CACNG7: variants seen among roughly 807,000 people sequenced by gnomAD.
CACNG7 encodes the protein calcium voltage-gated channel auxiliary subunit gamma 7.
In CACNG7, 9 loss-of-function variants were observed where a neutral mutation model predicts 26.3. The ratio of observed to expected loss-of-function variants is 0.34; its 90% CI spans 0.21 to 0.60. The LOEUF (loss-of-function observed/expected upper bound fraction) is 0.60. Among genes scored for constraint, CACNG7 ranks in the 20% least tolerant of loss-of-function variants. The pLI is 0.81. For synonymous variants in CACNG7, 170 were observed against 157.0 expected, an observed-to-expected ratio of 1.08 and a Z score of -0.62; for missense variants, 297 against 380.4, an observed-to-expected ratio of 0.78 and a Z score of 1.82.
chr19:53,920,087 C>T (rs1225759607), intron 4 of CACNG7, among the ~76,000 whole-genome samples: 1 of 127,444 alleles, frequency 7.8e-6, no homozygotes, highest in East Asian at 2.3e-4. Flanking sequence ...GGAGTTGCCC[C>T]AGGCTGGTCA....
At chr19:53,916,073 C>T (rs906405433) in intron 4 of CACNG7, among the ~76,000 whole-genome samples, 1 of 152,196 alleles carries the variant, frequency 6.6e-6, no homozygotes, top group African/African-American at 2.4e-5. Context: ...ACTAGACTTG[C>T]ATGGTCTTGC....
chr19:53,925,376 AG>A (rs1464038694), intron 4 of CACNG7, among the ~76,000 whole-genome samples: 1 of 137,770 alleles, frequency 7.3e-6, no homozygotes, highest in East Asian at 2.3e-4. Flanking sequence ...GAGTTGCCCC[AG>A]GTCTGGTATT....
At position 53,926,163 on chromosome 19, in the gene CACNG7, C is replaced by G. The variant is rs141895421; in HGVS notation, c.424+10658C>G. On this transcript the variant is annotated intron_variant, in intron 4 of 5. Coordinates refer to ENST00000391767, the MANE Select transcript of CACNG7 (RefSeq NM_031896.5). ...TACCTGTCAGTCAAAGCTTTTCACA[C>G]TTTTTCTTAAATCCCTTCAATAGAT... Among the ~76,000 whole-genome samples, 322 of 152,306 alleles carry G rather than the reference C, an allele frequency of 2.1e-3. 2 individuals carry two copies. Among genetic ancestry groups the G allele is most frequent in the African/African-American group, 7.5e-3 (312 of 41,568 alleles).
At position 53,912,823 on chromosome 19, in the gene CACNG7, C is replaced by T; in HGVS notation, c.-9C>T. ...CACAGGCCCCGCAGGGCGCCCCCTG[C>T]CTCTGAGGATGAGTCACTGCAGCAG... On this transcript the variant is annotated 5_prime_UTR_variant, in exon 2 of 6. Coordinates refer to ENST00000391767, the MANE Select transcript of CACNG7 (RefSeq NM_031896.5). This position sits in a 1 kb window ranked among gnomAD's most constrained non-coding sequence, Gnocchi z 4.6. 6.2e-7 allele frequency: 1 copy of T among 1,611,036 alleles called. No individual in the cohort carries two copies. The highest frequency in any genetic ancestry group is 2.2e-5 in the East Asian group (1 of 44,876).
At chr19:53,938,014 C>A (rs1222401475) in intron 4 of CACNG7, among the ~76,000 whole-genome samples, 1 of 152,068 alleles carries the variant, frequency 6.6e-6, no homozygotes, top group East Asian at 1.9e-4. Context: ...GGCCCTGAGG[C>A]AGAAGTGAGC....
chr19:53,918,780 T>A (rs1174435619), intron 4 of CACNG7, among the ~76,000 whole-genome samples: 1 of 152,234 alleles, frequency 6.6e-6, no homozygotes, highest in Non-Finnish European at 1.5e-5. Context: ...TATTTTTTAT[T>A]TTTTTGAGAT....
At chr19:53,927,464 CAG>C (rs1460605815) in intron 4 of CACNG7, among the ~76,000 whole-genome samples, 1 of 151,916 alleles carries the variant, frequency 6.6e-6, no homozygotes, top group African/African-American at 2.4e-5. Flanking sequence ...CCGAAAGGGT[CAG>C]GGGGAAATTT....
intron 4 of CACNG7, among the ~76,000 whole-genome samples, chr19:53,931,954 A>G (rs1307538075): frequency 6.6e-6 from 1 of 150,992 alleles, no homozygotes; most frequent in Admixed American, 6.6e-5. Context: ...GTAGAGATGG[A>G]GTTTCACCAT....
At chr19:53,934,346 CAT>C (rs1484794306) in intron 4 of CACNG7, among the ~76,000 whole-genome samples, 1 of 152,232 alleles carries the variant, frequency 6.6e-6, no homozygotes, top group Non-Finnish European at 1.5e-5. Flanking sequence ...GGTGCCGCTG[CAT>C]ACTTTGTATC....
intron 4 of CACNG7, among the ~76,000 whole-genome samples, chr19:53,931,685 TA>T (rs747430354): frequency 2.5e-3 from 112 of 45,002 alleles, no homozygotes; most frequent in East Asian, 4.5e-3. Flanking sequence ...AGACTCTGTC[TA>T]AAAAAAAAAA....
rs35265284 is a variant in CACNG7 at position 53,916,488 on chromosome 19, T to TTTC, written c.424+985_424+986insCTT. ...CAGCAATGCCTTTTTTCTTTCTTTC[T>TTTC]TTTTTTTTTTTTTTTTTTTGACTGA... On this transcript the variant is annotated intron_variant, in intron 4 of 5. Coordinates refer to ENST00000391767, the MANE Select transcript of CACNG7 (RefSeq NM_031896.5). Among the ~76,000 whole-genome samples the TTTC allele has an allele frequency of 6.9e-3, 223 of 32,458 alleles. 8 individuals carry two copies. The highest frequency in any genetic ancestry group is 0.026 in the African/African-American group (58 of 2,190). 21.3% of individuals were successfully genotyped at this position (32,458 alleles called of 152,430 possible).
At chr19:53,938,343 G>A (rs936922302) in intron 4 of CACNG7, among the ~76,000 whole-genome samples, 4 of 152,008 alleles carry the variant, frequency 2.6e-5, no homozygotes, top group Admixed American at 6.6e-5. Context: ...GCAAGACCCT[G>A]TCCCAAAAAG....
At chr19:53,913,135 T>C in intron 2 of CACNG7, 108 bp downstream of exon 2, 1 of 1,004,430 alleles carries the variant, frequency 1.0e-6, no homozygotes. Context: ...AAACGGATCC[T>C]GATTCTCTCC....
chr19:53,910,229 C>T (rs2068853862), intron 1 of CACNG7, among the ~76,000 whole-genome samples: 1 of 151,982 alleles, frequency 6.6e-6, no homozygotes. Flanking sequence ...TGATGGTGCC[C>T]GTTTCCGAGC....
At chr19:53,931,241 TACA>T (rs763212148) in intron 4 of CACNG7, among the ~76,000 whole-genome samples, 2 of 152,208 alleles carry the variant, frequency 1.3e-5, no homozygotes, top group Non-Finnish European at 2.9e-5. Context: ...TCTACGTAAC[TACA>T]ACAACATTAT....
At position 53,921,696 on chromosome 19, in the gene CACNG7, T is replaced by TCTGGTCATTGGTGGAGCTGTCCCAGGC. The variant is rs2068955556; in HGVS notation, c.424+6192_424+6218dup. Among the ~76,000 whole-genome samples, 2 of 95,660 alleles carry TCTGGTCATTGGTGGAGCTGTCCCAGGC rather than the reference T, an allele frequency of 2.1e-5. 1 individual carries two copies. Among genetic ancestry groups the TCTGGTCATTGGTGGAGCTGTCCCAGGC allele is most frequent in the Non-Finnish European group, 3.9e-5 (2 of 51,076 alleles). The allele number at this position is 95,660 out of a possible 152,430, so 62.8% of individuals were successfully genotyped here. ...TGGTCATTGGTGGACTTGCCCCAGG[T>TCTGGTCATTGGTGGAGCTGTCCCAGGC]CTGGTCATTGGTGGAGCTGTCCCAG... On this transcript the variant is annotated intron_variant, in intron 4 of 5. Coordinates refer to ENST00000391767, the MANE Select transcript of CACNG7 (RefSeq NM_031896.5).
intron 2 of CACNG7, 131 bp downstream of exon 2, chr19:53,913,158 TTTC>T: frequency 1.2e-6 from 1 of 809,514 alleles, no homozygotes; most frequent in Middle Eastern, 3.6e-4. Flanking sequence ...GAAGTTCAAA[TTTC>T]TACGTGGAGC....
At chr19:53,941,979 G>A in intron 5 of CACNG7, 57 bp from the exon 6 acceptor site, 2 of 1,506,440 alleles carry the variant, frequency 1.3e-6, no homozygotes, top group South Asian at 2.6e-5. Context: ...GAGATGAGTC[G>A]GGGTCCGGGG....
chr19:53,914,635 G>A (rs756498242), intron 3 of CACNG7, 49 bp downstream of exon 3: 17 of 1,516,568 alleles, frequency 1.1e-5, no homozygotes, highest in Middle Eastern at 1.7e-4. Context: ...GATCACAGCC[G>A]AGTCGTGGAG....
Sources: allele counts gnomAD v4.1 joint callset (sites outside exome capture counted in the v4.1 genomes callset), GRCh38; gene constraint gnomAD v4.1.1; non-coding constraint Gnocchi (gnomAD v3.1); transcripts MANE v1.5; gene names NCBI Gene and HGNC (gene_info 2026-07-23, HGNC 2026-07-21).